RNF212B: variants seen among roughly 807,000 people sequenced by gnomAD.
RNF212B encodes the protein ring finger protein 212B.
Under a neutral mutation model 55.5 loss-of-function variants are expected in RNF212B, and 52 were observed. The ratio of observed to expected loss-of-function variants is 0.94; its 90% CI spans 0.75 to 1.18. The LOEUF (loss-of-function observed/expected upper bound fraction) is 1.18. Among genes scored for constraint, RNF212B ranks in the 50% most tolerant of loss-of-function variants. RNF212B has a pLI of 0.00. For missense variants in RNF212B, 289 were observed against 350.4 expected (o/e 0.82, Z 1.40); for synonymous variants, 99 against 121.4 (o/e 0.82, Z 1.21).
intron 2 of RNF212B, among the ~76,000 whole-genome samples, chr14:23,232,293 C>A (rs1307242836): frequency 1.3e-5 from 2 of 151,842 alleles, no homozygotes; most frequent in East Asian, 3.9e-4. Context: ...TGCCCGGCCG[C>A]AACCCCATCT....
intron 3 of RNF212B, 114 bp from the exon 4 acceptor site, chr14:23,244,208 G>T: frequency 1.8e-6 from 1 of 565,514 alleles, no homozygotes; most frequent in Non-Finnish European, 3.1e-6. Flanking sequence ...TTTACACACA[G>T]TGGAGATAAT....
At chr14:23,208,795 G>T (rs1319375805) in intron 2 of RNF212B, among the ~76,000 whole-genome samples, 1 of 101,848 alleles carries the variant, frequency 9.8e-6, no homozygotes, top group African/African-American at 4.6e-5. Flanking sequence ...GTCTCACTCT[G>T]TCGCCCAGGC....
At chr14:23,255,912 G>T (rs575752389) in intron 4 of RNF212B, among the ~76,000 whole-genome samples, 1 of 152,258 alleles carries the variant, frequency 6.6e-6, no homozygotes, top group African/African-American at 2.4e-5. Context: ...CTAAACATTT[G>T]TACCCTGGCA....
chr14:23,269,037 G>T (rs1885889868), intron 12 of RNF212B, 74 bp downstream of exon 12: 3 of 1,252,034 alleles, frequency 2.4e-6, no homozygotes, highest in Non-Finnish European at 3.4e-6. Context: ...GGGTGCGGTG[G>T]CTCACGCCTG....
At chr14:23,227,837 G>T (rs188735856) in intron 2 of RNF212B, among the ~76,000 whole-genome samples, 33 of 152,180 alleles carry the variant, frequency 2.2e-4, no homozygotes, top group Admixed American at 2.2e-3. Context: ...GGACTCAGGT[G>T]ATTCACCCAC....
At chr14:23,240,292 A>G in intron 1 of RNF212B, 53 bp from the exon 2 acceptor site, 3 of 1,223,554 alleles carry the variant, frequency 2.5e-6, no homozygotes, top group Non-Finnish European at 3.5e-6. Context: ...TGGAACAGCT[A>G]TAATTATGTT....
At chr14:23,222,522 C>A (rs1881657932) in intron 2 of RNF212B, among the ~76,000 whole-genome samples, 1 of 152,084 alleles carries the variant, frequency 6.6e-6, no homozygotes, top group Non-Finnish European at 1.5e-5. Context: ...AAGCCTGAGA[C>A]CCAATGGCTT....
chr14:23,251,039 G>C (rs1176299498), intron 4 of RNF212B, among the ~76,000 whole-genome samples: 1 of 152,124 alleles, frequency 6.6e-6, no homozygotes, highest in Non-Finnish European at 1.5e-5. Context: ...TAGTGATTTG[G>C]GGGGTCCAAC....
intron 1 of RNF212B, among the ~76,000 whole-genome samples, chr14:23,192,177 T>C (rs976375103): frequency 1.3e-4 from 19 of 151,814 alleles, no homozygotes; most frequent in Non-Finnish European, 2.4e-4. Context: ...CCAGCCATCC[T>C]ATTACTGGGT....
At chr14:23,269,023 G>GCCT in intron 12 of RNF212B, 60 bp downstream of exon 12, 1 of 1,410,450 alleles carries the variant, frequency 7.1e-7, no homozygotes, top group Non-Finnish European at 9.8e-7. Context: ...TCTGCCAGCA[G>GCCT]GCTGGGTGCG....
intron 11 of RNF212B, among the ~76,000 whole-genome samples, chr14:23,266,404 G>GTTTTTTTTTTTTTTTTTTTT (rs57731750): frequency 2.1e-5 from 1 of 46,872 alleles, no homozygotes; most frequent in African/African-American, 1.3e-4. Flanking sequence ...CCTTTTAAAT[G>GTTTTTTTTTTTTTTTTTTTT]TTTTTTTTTT....
chr14:23,244,764 G>T (rs946997338), intron 4 of RNF212B, among the ~76,000 whole-genome samples: 38 of 152,180 alleles, frequency 2.5e-4, no homozygotes, highest in Non-Finnish European at 3.2e-4. Flanking sequence ...AGGTTTGATG[G>T]TTTAACTTGC....
chr14:23,268,862 T>C (rs1456584594), intron 11 of RNF212B, 62 bp from the exon 12 acceptor site: 1 of 1,386,052 alleles, frequency 7.2e-7, no homozygotes, highest in South Asian at 1.2e-5. Context: ...TGGCCCCAAG[T>C]ATACCTGAAT....
At position 23,272,818 on chromosome 14, in the gene RNF212B, T is replaced by C; in HGVS notation, c.835-5T>C. 6.5e-7 allele frequency: 1 copy of C among 1,546,646 alleles called. No individual in the cohort carries two copies. Among genetic ancestry groups the C allele is most frequent in the Non-Finnish European group, 8.7e-7 (1 of 1,143,864 alleles). On this transcript the variant is annotated splice_polypyrimidine_tract_variant and splice_region_variant and intron_variant, in intron 14 of 14. Coordinates refer to ENST00000430154, the MANE Select transcript of RNF212B (RefSeq NM_001282322.3). The stretch of plus-strand genomic sequence containing the variant: ...CCACATCTACCTTCTTGTCCTCTGC[T>C]GCAGACTCTCTACCAACAACGGAGG...
chr14:23,217,918 C>G (rs1881241405), intron 2 of RNF212B, among the ~76,000 whole-genome samples: 1 of 152,036 alleles, frequency 6.6e-6, no homozygotes, highest in African/African-American at 2.4e-5. Flanking sequence ...ACTGGAGAAA[C>G]AGGGATATAT....
rs1418393486 is a variant in RNF212B at position 23,264,659 on chromosome 14, G to C, written c.622G>C (p.Asp208His). The C allele has an allele frequency of 6.0e-6, 8 of 1,330,098 alleles. No homozygotes were observed. Among genetic ancestry groups the C allele is most frequent in the Non-Finnish European group, 3.9e-6 (4 of 1,032,714 alleles). 82.4% of individuals were successfully genotyped at this position (1,330,098 alleles called of 1,614,324 possible). A position where few individuals can be genotyped will look rare whatever the true frequency, so the allele number is the denominator to read the frequency against. Residue 208 changes from aspartate to histidine, a missense_variant, in exon 11 of 15, where the codon GAC becomes CAC. By Grantham distance (81) the Asp-to-His change is moderately conservative. Coordinates refer to ENST00000430154, the MANE Select transcript of RNF212B (RefSeq NM_001282322.3). ...TCTGCAGGGAAGGAGAACTCCCAGAGACTCTTATAATGGTGAGGTGGGGGG... is the reference window on the plus strand; with the variant it reads ...TCTGCAGGGAAGGAGAACTCCCAGACACTCTTATAATGGTGAGGTGGGGGG... ...RGLQGRRTPR[D>H]SYNETPSPAS...
At chr14:23,218,150 C>T (rs1364122710) in intron 2 of RNF212B, among the ~76,000 whole-genome samples, 2 of 151,864 alleles carry the variant, frequency 1.3e-5, no homozygotes, top group African/African-American at 2.4e-5. Flanking sequence ...GGGCGGATCA[C>T]GAGGTCAGGA....
chr14:23,195,452 G>C (rs1044760406), intron 2 of RNF212B, among the ~76,000 whole-genome samples: 1 of 152,118 alleles, frequency 6.6e-6, no homozygotes, highest in East Asian at 1.9e-4. Flanking sequence ...CTAAGGCTTC[G>C]ATGTCCTTTG....
At chr14:23,185,634 A>G (rs1877515972) in intron 1 of RNF212B, 1 of 152,132 alleles carries the variant, frequency 6.6e-6, no homozygotes, top group Non-Finnish European at 1.5e-5. Context: ...AGCCCTCTCA[A>G]ATTATGAACT....
Sources: allele counts gnomAD v4.1 joint callset (sites outside exome capture counted in the v4.1 genomes callset), GRCh38; gene constraint gnomAD v4.1.1; transcripts MANE v1.5; gene names NCBI Gene and HGNC (gene_info 2026-07-23, HGNC 2026-07-21).